The following MPPED1 variants were observed in gnomAD, a reference collection of about 807,000 sequenced individuals.
The protein encoded by MPPED1 is metallophosphoesterase domain containing 1, also known as metallophosphoesterase domain-containing protein 1.
MPPED1 carries 16 observed loss-of-function variants against 36.2 expected under a neutral mutation model. That is an observed-to-expected ratio of 0.44 (90% confidence interval 0.30 to 0.67). The LOEUF is 0.67. MPPED1 is among the 30% of genes least tolerant of loss of function. The pLI is 0.10. For synonymous variants in MPPED1, 199 were observed against 191.3 expected (o/e 1.04, Z -0.33); for missense variants, 307 against 453.4 (o/e 0.68, Z 2.93).
At chr22:43,453,270 A>G in intron 3 of MPPED1, among the ~76,000 whole-genome samples, 1 of 152,086 alleles carries the variant, frequency 6.6e-6, no homozygotes, top group East Asian at 1.9e-4. Context: ...ATTTTTAAAT[A>G]CTTATTTCAG....
intron 4 of MPPED1, among the ~76,000 whole-genome samples, chr22:43,497,970 T>G (rs1932486133): frequency 7.0e-6 from 1 of 141,850 alleles, no homozygotes; most frequent in East Asian, 2.0e-4. Context: ...TCTTTTTTTT[T>G]TGGTTATGTA....
chr22:43,498,434 A>G (rs2146919295), intron 5 of MPPED1, 84 bp downstream of exon 5: 1 of 1,097,304 alleles, frequency 9.1e-7, no homozygotes, highest in East Asian at 2.7e-5. Context: ...CTGGGCCTGT[A>G]TAGGGGAGCC....
intron 3 of MPPED1, among the ~76,000 whole-genome samples, chr22:43,452,373 C>T (rs886347999): frequency 2.0e-5 from 3 of 152,098 alleles, no homozygotes; most frequent in African/African-American, 7.2e-5. Context: ...GGAAAGGAAA[C>T]AGCACTGCTG....
chr22:43,505,780 T>C lies in MPPED1; in HGVS notation c.*164T>C. The C allele has an allele frequency of 3.3e-6, 2 of 610,514 alleles. No individual in the cohort carries two copies. The highest frequency in any genetic ancestry group is 2.0e-5 in the South Asian group (1 of 49,096). 37.8% of individuals were successfully genotyped at this position (610,514 alleles called of 1,614,324 possible). On this transcript the variant is annotated 3_prime_UTR_variant, in exon 7 of 7. Transcript: ENST00000443721. ...AACGACTCTTTAGCCTTCTGTCACCTGGAGTTGGGACCCTGCGCATCCCCA... is the reference window on the plus strand; with the variant it reads ...AACGACTCTTTAGCCTTCTGTCACCCGGAGTTGGGACCCTGCGCATCCCCA...
chr22:43,464,696 T>C (rs1318904567), intron 3 of MPPED1, among the ~76,000 whole-genome samples: 2 of 152,190 alleles, frequency 1.3e-5, no homozygotes, highest in African/African-American at 2.4e-5. Context: ...CTTGGGCTTC[T>C]AGTCCTTGAG....
At chr22:43,417,134 A>G in intron 1 of MPPED1, 1 of 461,072 alleles carries the variant, frequency 2.2e-6, no homozygotes, top group Non-Finnish European at 2.9e-6. Context: ...TCATGTAGTC[A>G]TAATTCAAAA....
At chr22:43,473,739 C>G (rs868856417) in intron 3 of MPPED1, among the ~76,000 whole-genome samples, 2 of 152,060 alleles carry the variant, frequency 1.3e-5, no homozygotes, top group African/African-American at 2.4e-5. Context: ...TTACTGAGAC[C>G]GAACAGCTGT....
At position 43,485,065 on chromosome 22, in the gene MPPED1, A is replaced by G. The variant is rs537337121; in HGVS notation, c.632+10104A>G. On this transcript the variant is annotated intron_variant, in intron 4 of 6. Coordinates refer to ENST00000443721, the MANE Select transcript of MPPED1 (RefSeq NM_001044370.2). ...TTCACATACACACACATTCATGTAC[A>G]TGCACAGACATTCCCATACCATACA... 5.9e-5 allele frequency among the ~76,000 whole-genome samples: 9 copies of G among 152,256 alleles called. No homozygotes were observed. The East Asian group carries it at 1.5e-3, about 26-fold the overall frequency.
At chr22:43,442,417 G>A (rs1185777487) in intron 3 of MPPED1, among the ~76,000 whole-genome samples, 1 of 152,064 alleles carries the variant, frequency 6.6e-6, no homozygotes, top group Non-Finnish European at 1.5e-5. Flanking sequence ...CCTGCCCCGT[G>A]GCTGCCCCTT....
At position 43,414,000 on chromosome 22, in the gene MPPED1, C is replaced by T. The variant is rs527742674; in HGVS notation, c.-79+1842C>T. Among the ~76,000 whole-genome samples the T allele has an allele frequency of 5.3e-5, 8 of 152,252 alleles. No homozygotes were observed. The East Asian group carries it at 1.5e-3, about 29-fold the overall frequency. ...GGCCGAGGAGGTACCTCTGATGTAA[C>T]CACCCCGTGGTACGCTTAGAATCAC... On this transcript the variant is annotated intron_variant, in intron 1 of 6. Transcript: ENST00000443721.
intron 1 of MPPED1, chr22:43,416,785 G>A (rs1186976798): frequency 6.4e-6 from 1 of 155,280 alleles, no homozygotes; most frequent in East Asian, 1.9e-4. Flanking sequence ...TCTGCTAGAT[G>A]GATATAGAAA....
chr22:43,460,879 C>G (rs528493659), intron 3 of MPPED1, among the ~76,000 whole-genome samples: 2 of 152,320 alleles, frequency 1.3e-5, no homozygotes, highest in African/African-American at 4.8e-5. Context: ...AAGCATGATC[C>G]TCTAGATGTC....
At chr22:43,473,900 T>C (rs1348660413) in intron 3 of MPPED1, among the ~76,000 whole-genome samples, 1 of 152,238 alleles carries the variant, frequency 6.6e-6, no homozygotes, top group Non-Finnish European at 1.5e-5. Context: ...GAGAAAGATG[T>C]GTACCTTGGA....
At chr22:43,488,057 T>C (rs1931967001) in intron 4 of MPPED1, among the ~76,000 whole-genome samples, 1 of 152,124 alleles carries the variant, frequency 6.6e-6, no homozygotes, top group Non-Finnish European at 1.5e-5. Context: ...TCTGCATCTG[T>C]AGAGTGGAGG....
intron 3 of MPPED1, among the ~76,000 whole-genome samples, chr22:43,469,992 C>A (rs903396413): frequency 6.6e-5 from 10 of 151,928 alleles, no homozygotes; most frequent in African/African-American, 2.2e-4. Context: ...TACCCACCCA[C>A]CAACCCATCT....
chr22:43,427,948 C>T (rs545621471), intron 2 of MPPED1, among the ~76,000 whole-genome samples: 1 of 152,278 alleles, frequency 6.6e-6, no homozygotes, highest in Admixed American at 6.5e-5. Flanking sequence ...GTGAAAAAAA[C>T]GCTGCGCACA....
chr22:43,440,482 C>T (rs764203958), intron 3 of MPPED1, among the ~76,000 whole-genome samples: 11 of 152,190 alleles, frequency 7.2e-5, no homozygotes, highest in Non-Finnish European at 1.5e-4. Flanking sequence ...CAGAGGCAGC[C>T]ACTGACCCCA....
At chr22:43,490,795 T>C (rs1932057325) in intron 4 of MPPED1, among the ~76,000 whole-genome samples, 1 of 152,216 alleles carries the variant, frequency 6.6e-6, no homozygotes, top group Non-Finnish European at 1.5e-5. Flanking sequence ...TCTAAGCCAC[T>C]GAGTCCTTCC....
At chr22:43,504,524 A>G (rs1241228942) in intron 6 of MPPED1, among the ~76,000 whole-genome samples, 1 of 147,870 alleles carries the variant, frequency 6.8e-6, no homozygotes. Context: ...GGTAATTATA[A>G]GGGTGGCAAT....
Sources: allele counts gnomAD v4.1 joint callset (sites outside exome capture counted in the v4.1 genomes callset), GRCh38; gene constraint gnomAD v4.1.1; transcripts MANE v1.5; gene names NCBI Gene and HGNC (gene_info 2026-07-23, HGNC 2026-07-21).